The following KRT75 variants were observed in gnomAD, a reference collection of about 807,000 sequenced individuals.
KRT75 encodes the protein keratin 75, also known as keratin, type II cytoskeletal 75.
In KRT75, 35 loss-of-function variants were observed where a neutral mutation model predicts 48.8. The ratio of observed to expected loss-of-function variants is 0.72; its 90% CI spans 0.55 to 0.95. KRT75 has a LOEUF of 0.95. KRT75 is among the 40% of genes least tolerant of loss of function. KRT75 has a pLI of 0.00. For synonymous variants in KRT75, 301 were observed against 282.3 expected, an observed-to-expected ratio of 1.07 and a Z score of -0.66; for missense variants, 776 against 709.9, an observed-to-expected ratio of 1.09 and a Z score of -1.06.
chr12:52,428,418 T>C lies in KRT75; in HGVS notation c.1220A>G (p.Lys407Arg), dbSNP rs772035952. ...DAEQRGELAL[K>R]DARAKLVDLE... Reference sequence around the variant, plus strand: ...GTCCACCAGCTTGGCCCGTGCATCCTTGAGAGCCAGTTCTCCCCGCTGCTC... The same window carrying C: ...GTCCACCAGCTTGGCCCGTGCATCCCTGAGAGCCAGTTCTCCCCGCTGCTC... The change falls in exon 7 of 9, where the codon AAG becomes AGG. Residue 407 changes from lysine (K) to arginine (R), a missense_variant. Transcript: ENST00000252245. The C allele has an allele frequency of 1.2e-6, 2 of 1,614,132 alleles. No individual in the cohort carries two copies. Among genetic ancestry groups the C allele is most frequent in the Middle Eastern group, 1.7e-4 (1 of 6,060 alleles).
chr12:52,427,533 G>A (rs1241174421), intron 7 of KRT75, among the ~76,000 whole-genome samples: 13 of 152,188 alleles, frequency 8.5e-5, no homozygotes, highest in East Asian at 3.8e-4. Flanking sequence ...GCCCATAGTC[G>A]CAAAGCTGGA....
intron 8 of KRT75, among the ~76,000 whole-genome samples, chr12:52,425,115 TG>T (rs139365463): frequency 0.11 from 16,327 of 152,100 alleles, 1,070 homozygotes; most frequent in Admixed American, 0.2. Context: ...TGGATGCTTA[TG>T]GGGGGAGGGG....
chr12:52,428,769 C>A (rs1461387153), intron 5 of KRT75, 26 bp from the exon 6 acceptor site: 1 of 1,613,390 alleles, frequency 6.2e-7, no homozygotes, highest in Admixed American at 1.7e-5. Context: ...CAAACCCAGT[C>A]ACTGAGTCAA....
intron 2 of KRT75, among the ~76,000 whole-genome samples, chr12:52,432,401 A>G (rs1224101387): frequency 6.6e-6 from 1 of 152,196 alleles, no homozygotes; most frequent in Non-Finnish European, 1.5e-5. Flanking sequence ...TCGTGGAGTA[A>G]ACTTTATCTG....
At position 52,433,166 on chromosome 12, in the gene KRT75, G is replaced by A; in HGVS notation, c.585C>T (p.Asn195=). The A allele has an allele frequency of 6.2e-7, 1 of 1,613,948 alleles. No individual in the cohort carries two copies. Among genetic ancestry groups the A allele is most frequent in the Non-Finnish European group, 8.5e-7 (1 of 1,179,990 alleles). Residue 195 remains asparagine, a synonymous_variant, in exon 2 of 9, where the codon AAC becomes AAT. Coordinates refer to ENST00000252245, the MANE Select transcript of KRT75 (RefSeq NM_004693.3). ...TATAGGAATCAAAGAGGGGCTCTAGGTTCTGCCTCACAGTCCTGGAGCCCT... is the reference window on the plus strand; with the variant it reads ...TATAGGAATCAAAGAGGGGCTCTAGATTCTGCCTCACAGTCCTGGAGCCCT... ...QEQGSRTVRQ[N]LEPLFDSYTS...
intron 8 of KRT75, among the ~76,000 whole-genome samples, chr12:52,426,340 G>T (rs746507190): frequency 1.3e-5 from 2 of 152,248 alleles, no homozygotes; most frequent in Non-Finnish European, 2.9e-5. Flanking sequence ...GTTGAGCCAA[G>T]CAGTGGAGCT....
At chr12:52,430,833 T>A in intron 4 of KRT75, 128 bp from the exon 5 acceptor site, 1 of 1,033,890 alleles carries the variant, frequency 9.7e-7, no homozygotes, top group Non-Finnish European at 1.5e-6. Context: ...AGCTATTCCC[T>A]AGGTATTCCC....
chr12:52,432,998 C>A (rs1461224648), intron 2 of KRT75, 40 bp downstream of exon 2: 1 of 1,598,792 alleles, frequency 6.3e-7, no homozygotes, highest in Admixed American at 1.7e-5. Context: ...AAGGAGCCTT[C>A]AGATGGCTGT....
intron 7 of KRT75, among the ~76,000 whole-genome samples, chr12:52,427,784 C>A (rs1940092043): frequency 6.6e-6 from 1 of 152,206 alleles, no homozygotes; most frequent in Non-Finnish European, 1.5e-5. Flanking sequence ...CAGCTCCTAA[C>A]TGGCAGAGCA....
In KRT75 at chr12:52,430,700, C is replaced by G; in HGVS notation, c.876G>C (p.Leu292=). The G allele has an allele frequency of 6.2e-7, 1 of 1,614,184 alleles. No homozygotes were observed. Among genetic ancestry groups the G allele is most frequent in the African/African-American group, 1.3e-5 (1 of 75,064 alleles). The change falls in exon 5 of 9, where the codon CTG becomes CTC. Residue 292 remains leucine (L), a synonymous_variant. Transcript: ENST00000252245. The stretch of plus-strand genomic sequence containing the variant: ...CACCGACCTGGGTCTGCAACTGGGA[C>G]AGCTCCTGCAGGGCAGTAAACTCAG... ...NFIHSVFDAE[L]SQLQTQVGDT...
In KRT75 at chr12:52,428,691, G is replaced by T; in HGVS notation, c.1088C>A (p.Thr363Asn). The change falls in exon 6 of 9, where the codon ACC becomes AAC. Residue 363 changes from threonine (T) to asparagine (N), a missense_variant. Coordinates refer to ENST00000252245, the MANE Select transcript of KRT75 (RefSeq NM_004693.3). ...GTTCATTTCAGAGATCTCTTGTTTG[G>T]TGTTTCGAAGGTCATCCCCATGTCT... ...AGRHGDDLRN[T>N]KQEISEMNRM... The T allele has an allele frequency of 6.2e-7, 1 of 1,614,154 alleles. No homozygotes were observed.
intron 5 of KRT75, 131 bp from the exon 6 acceptor site, chr12:52,428,874 G>T: frequency 1.8e-6 from 2 of 1,096,866 alleles, no homozygotes; most frequent in Non-Finnish European, 1.4e-6. Flanking sequence ...TCCCCCTGAA[G>T]CTTACAGTTT....
rs558471862 is a variant in KRT75, at chr12:52,434,324, C to T, written c.-20G>A. Reference sequence around the variant, plus strand: ...AGACATGGTGGGTGAGGAAGGCCGGCGAGAAGGCACCTGAGGTGGGCTGGT... The same window carrying T: ...AGACATGGTGGGTGAGGAAGGCCGGTGAGAAGGCACCTGAGGTGGGCTGGT... On this transcript the variant is annotated 5_prime_UTR_variant, in exon 1 of 9. Transcript: ENST00000252245. The T allele has an allele frequency of 2.7e-5, 42 of 1,579,620 alleles. No individual in the cohort carries two copies. Among genetic ancestry groups the T allele is most frequent in the South Asian group, 1.4e-4 (12 of 87,182 alleles).
At position 52,434,348 on chromosome 12, in the gene KRT75, G is replaced by C; in HGVS notation, c.-44C>G. ...GCGAGAAGGCACCTGAGGTGGGCTG[G>C]TACAGGCAGTGGAGAAGACAGGTGG... On this transcript the variant is annotated 5_prime_UTR_variant, in exon 1 of 9. Transcript: ENST00000252245. 2 of 1,555,302 alleles carry C rather than the reference G, an allele frequency of 1.3e-6. No homozygotes were observed. The highest frequency in any genetic ancestry group is 1.7e-6 in the Non-Finnish European group (2 of 1,160,222).
rs375516693 is a variant in KRT75 at position 52,433,854 on chromosome 12, C to G, written c.451G>C (p.Glu151Gln). Residue 151 changes from glutamate (E) to glutamine (Q), a missense_variant, in exon 1 of 9, where the codon GAG becomes CAG. Glu to Gln is a conservative substitution (Grantham distance 29, BLOSUM62 2). Coordinates refer to ENST00000252245, the MANE Select transcript of KRT75 (RefSeq NM_004693.3). Reference protein sequence around the residue: ...TIQRVRAEEREQIKTLNNKFA... With the variant: ...TIQRVRAEERQQIKTLNNKFA... ...TTATTGTTGAGGGTCTTGATCTGCT[C>G]GCGCTCCTCGGCCCGCACCCGCTGG... 2 of 1,614,030 alleles carry G rather than the reference C, an allele frequency of 1.2e-6. No homozygotes were observed. Among genetic ancestry groups the G allele is most frequent in the African/African-American group, 1.3e-5 (1 of 74,908 alleles).
rs1284433770 is a variant in KRT75 at position 52,431,582 on chromosome 12, C to A, written c.831G>T (p.Leu277=). The stretch of plus-strand genomic sequence containing the variant: ...AGTGGATGAAGTTGATCTCCTCGGG[C>A]AGAGATTTGACCTTGGCTTCCAGCT... ...KVELEAKVKS[L]PEEINFIHSV... Residue 277 remains leucine (L), a synonymous_variant, in exon 4 of 9, where the codon CTG becomes CTT. Transcript: ENST00000252245. The A allele has an allele frequency of 1.9e-6, 3 of 1,613,990 alleles. No individual in the cohort carries two copies. In the South Asian group the frequency reaches 3.3e-5, roughly 18 times the overall value.
At chr12:52,426,498 C>A (rs1203768712) in intron 8 of KRT75, among the ~76,000 whole-genome samples, 1 of 152,206 alleles carries the variant, frequency 6.6e-6, no homozygotes, top group Admixed American at 6.5e-5. Context: ...AGGCTTGCAG[C>A]CCCAACAAAA....
chr12:52,428,940 A>G (rs767074084), intron 5 of KRT75, among the ~76,000 whole-genome samples, 197 bp from the exon 6 acceptor site: 6 of 152,354 alleles, frequency 3.9e-5, no homozygotes, highest in Non-Finnish European at 8.8e-5. Flanking sequence ...ATAGTTCCAC[A>G]CTAAGATAAG....
intron 8 of KRT75, among the ~76,000 whole-genome samples, chr12:52,425,095 C>G (rs772629825): frequency 6.6e-6 from 1 of 151,420 alleles, no homozygotes; most frequent in African/African-American, 2.4e-5. Flanking sequence ...TCCAGAGTTT[C>G]TCTTCCTTCT....
Sources: allele counts gnomAD v4.1 joint callset (sites outside exome capture counted in the v4.1 genomes callset), GRCh38; gene constraint gnomAD v4.1.1; transcripts MANE v1.5; gene names NCBI Gene and HGNC (gene_info 2026-07-23, HGNC 2026-07-21).